Variants in PCDH19 observed in about 807,000 individuals in gnomAD.
PCDH19 encodes protocadherin-19.
Under a neutral mutation model 46.2 loss-of-function variants are expected in PCDH19, and 6 were observed. That is an observed-to-expected ratio of 0.13 (90% CI 0.07 to 0.26). The LOEUF is 0.26. Among genes scored for constraint, PCDH19 ranks in the 10% least tolerant of loss-of-function variants. The probability of loss-of-function intolerance (pLI) is 1.00; values close to 1 mark genes in which losing one functional copy is unlikely to be tolerated. For synonymous variants in PCDH19, 481 were observed against 415.7 expected (o/e 1.16, Z -1.91); for missense variants, 740 against 972.3 (o/e 0.76, Z 3.18).
chrX:100,340,418 C>A (rs1349648138), intron 5 of PCDH19, among the ~76,000 whole-genome samples: 1 of 112,051 alleles, frequency 8.9e-6, no homozygotes, highest in Non-Finnish European at 1.9e-5. Context: ...TAACTAAAAC[C>A]CTTTCTTGAT....
intron 5 of PCDH19, among the ~76,000 whole-genome samples, chrX:100,302,574 T>C (rs1319975278): frequency 1.8e-5 from 2 of 112,077 alleles, no homozygotes; most frequent in Admixed American, 9.4e-5. Context: ...GAATAGAAAA[T>C]ACAACATCTG....
chrX:100,322,865 A>ATATTTTTTT, intron 5 of PCDH19, among the ~76,000 whole-genome samples: 45 of 54,408 alleles, frequency 8.3e-4, no homozygotes, highest in Non-Finnish European at 1.3e-3. Flanking sequence ...ATATATATAT[A>ATATTTTTTT]TTTTTGCAGC....
intron 5 of PCDH19, among the ~76,000 whole-genome samples, chrX:100,313,861 A>T (rs187920504): frequency 2.4e-4 from 6 of 24,833 alleles, no homozygotes; most frequent in Admixed American, 1.0e-3. Context: ...TGTTAATCAC[A>T]CACACACACA....
intron 5 of PCDH19, among the ~76,000 whole-genome samples, chrX:100,331,750 TTC>T (rs951217755): frequency 9.0e-6 from 1 of 111,354 alleles, no homozygotes; most frequent in African/African-American, 3.3e-5. Context: ...CATTCCCTCA[TTC>T]TCTCTCTCTC....
chrX:100,313,695 T>C (rs1445042748), intron 5 of PCDH19, among the ~76,000 whole-genome samples: 14 of 111,561 alleles, frequency 1.3e-4, no homozygotes, highest in Admixed American at 6.7e-4. Flanking sequence ...TTTGCTCATA[T>C]ATTAAGACAT....
intron 3 of PCDH19, among the ~76,000 whole-genome samples, chrX:100,392,113 G>A (rs753892164): frequency 6.3e-5 from 7 of 111,960 alleles, no homozygotes; most frequent in Admixed American, 2.8e-4. Context: ...ACCAAGCCCC[G>A]GATGTCATTC....
chrX:100,350,258 A>G (rs1345951703), intron 4 of PCDH19, among the ~76,000 whole-genome samples: 3 of 111,997 alleles, frequency 2.7e-5, no homozygotes, highest in Non-Finnish European at 5.6e-5. Context: ...TTTCTATTGT[A>G]TATTTCTAAT....
At chrX:100,322,283 T>C (rs906409616) in intron 5 of PCDH19, among the ~76,000 whole-genome samples, 1 of 111,437 alleles carries the variant, frequency 9.0e-6, no homozygotes, top group South Asian at 3.8e-4. Context: ...TTCTCCTACA[T>C]GTGGCTAGCC....
rs1227172339 is a variant in PCDH19, at chrX:100,409,044, G to A, written c.-447C>T. 8.8e-6 allele frequency: 1 copy of A among 113,185 alleles called. No homozygotes were observed. The highest frequency in any genetic ancestry group is 3.2e-5 in the African/African-American group (1 of 31,111). The allele number at this position is 113,185 out of a possible 1,213,427, so 9.3% of individuals were successfully genotyped here. On this transcript the variant is annotated 5_prime_UTR_variant, in exon 1 of 6. Transcript: ENST00000373034. ...GGGCGGAGGAGGCGCAGCCTTTCAG[G>A]CACTGCCCGGCCCGCCGCGGTGCAC...
Position 100,407,574 on chromosome X carries a change from T to G in PCDH19, c.1024A>C (p.Asn342His). 8.3e-7 allele frequency: 1 copy of G among 1,211,087 alleles called. No individual in the cohort carries two copies. The highest frequency in any genetic ancestry group is 1.1e-6 in the Non-Finnish European group (1 of 895,192). ...VTVSVLDTND[N>H]PPVINLLSVN... ...GACAGCAGGTTGATGACCGGCGGATTGTCATTGGTGTCCAGCACGCTGACG... is the reference window on the plus strand; with the variant it reads ...GACAGCAGGTTGATGACCGGCGGATGGTCATTGGTGTCCAGCACGCTGACG... Residue 342 changes from asparagine to histidine, a missense_variant, in exon 1 of 6, where the codon AAT becomes CAT. By Grantham distance (68) the Asn-to-His change is moderately conservative. This residue lies in a region of PCDH19 where 186 missense variants were observed against 319.9 expected (regional missense o/e 0.58). Coordinates refer to ENST00000373034, the MANE Select transcript of PCDH19 (RefSeq NM_001184880.2).
intron 4 of PCDH19, among the ~76,000 whole-genome samples, chrX:100,348,659 T>A (rs1438313286): frequency 8.9e-6 from 1 of 112,028 alleles, no homozygotes; most frequent in Non-Finnish European, 1.9e-5. Flanking sequence ...GTCTAGGTTG[T>A]GCCTTTTGTG....
At chrX:100,330,938 C>T (rs763690662) in intron 5 of PCDH19, among the ~76,000 whole-genome samples, 1 of 112,107 alleles carries the variant, frequency 8.9e-6, no homozygotes, top group Non-Finnish European at 1.9e-5. Flanking sequence ...TGACCAGAGA[C>T]CCTCAAAAGA....
At chrX:100,359,053 G>C (rs976810946) in intron 3 of PCDH19, among the ~76,000 whole-genome samples, 2 of 111,712 alleles carry the variant, frequency 1.8e-5, no homozygotes, top group Non-Finnish European at 3.8e-5. Context: ...AGTGCCAACT[G>C]TTATTTCCCC....
chrX:100,407,744 G>C lies in PCDH19; in HGVS notation c.854C>G (p.Thr285Arg), dbSNP rs1364286555. ...YSFYGYVNDR[T>R]RELFQIDPHS... is the part of the protein sequence containing the mutation. ...CGGGTCGATCTGAAAGAGCTCGCGC[G>C]TGCGGTCGTTGACGTAGCCATAGAA... Residue 285 changes from threonine to arginine, a missense_variant, in exon 1 of 6, where the codon ACG (threonine) becomes AGG (arginine). Physicochemically the swap from Thr to Arg is moderately conservative, Grantham distance 71 (BLOSUM62 -1). Around this residue, in one of 5 missense-constraint regions of PCDH19, gnomAD observed 186 missense variants for 319.9 expected, o/e 0.58. Coordinates refer to ENST00000373034, the MANE Select transcript of PCDH19 (RefSeq NM_001184880.2). The C allele has an allele frequency of 1.6e-6, 2 of 1,212,314 alleles. No individual in the cohort carries two copies. The highest frequency in any genetic ancestry group is 3.5e-5 in the South Asian group (2 of 57,038).
rs766656377 is a variant in PCDH19, at chrX:100,313,255, G to A, written c.2849-16380C>T. 2.2e-3 allele frequency among the ~76,000 whole-genome samples: 246 copies of A among 111,143 alleles called. 2 individuals are homozygous for A. The highest frequency in any genetic ancestry group is 1.2e-3 in the Non-Finnish European group (62 of 53,008). On this transcript the variant is annotated intron_variant, in intron 5 of 5. Coordinates refer to ENST00000373034, the MANE Select transcript of PCDH19 (RefSeq NM_001184880.2). ...TTAAAATGCCAGTTCTTCATGACTG[G>A]GTCTGGGAAACATGGGGCTAATGGA...
intron 5 of PCDH19, among the ~76,000 whole-genome samples, chrX:100,331,495 T>C (rs751438739): frequency 8.9e-6 from 1 of 111,854 alleles, no homozygotes; most frequent in Non-Finnish European, 1.9e-5. Flanking sequence ...TTTTCTGATG[T>C]TCCTAAAAAG....
intron 5 of PCDH19, among the ~76,000 whole-genome samples, chrX:100,301,825 C>A (rs957710418): frequency 7.1e-5 from 8 of 112,036 alleles, no homozygotes; most frequent in African/African-American, 2.6e-4. Flanking sequence ...TAACTAATTG[C>A]CTGCCAAATA....
At chrX:100,382,208 C>A (rs763491298) in intron 3 of PCDH19, among the ~76,000 whole-genome samples, 7 of 111,085 alleles carry the variant, frequency 6.3e-5, no homozygotes, top group Non-Finnish European at 1.3e-4. Flanking sequence ...TAACAGATAA[C>A]CAAGCTTTTG....
At chrX:100,317,217 A>C (rs1925336751) in intron 5 of PCDH19, among the ~76,000 whole-genome samples, 1 of 111,782 alleles carries the variant, frequency 8.9e-6, no homozygotes, top group African/African-American at 3.3e-5. Context: ...TGCCACTCCT[A>C]AATTGAAATC....
Sources: gnomAD v4.1 joint callset for allele counts (sites outside exome capture counted in the v4.1 genomes callset) on GRCh38, gnomAD v4.1.1 for gene constraint, gnomAD v4.1.1 regional missense constraint, MANE v1.5 for transcripts, NCBI Gene and HGNC (gene_info 2026-07-23, HGNC 2026-07-21) for gene names.